UBE2E2: variants seen among roughly 807,000 people sequenced by gnomAD.
UBE2E2 encodes the protein ubiquitin conjugating enzyme E2 E2.
UBE2E2 carries 6 observed loss-of-function variants against 24.7 expected under a neutral mutation model. The observed-to-expected ratio is 0.24, with a 90% CI of 0.13 to 0.48. The LOEUF (loss-of-function observed/expected upper bound fraction) is 0.48, where lower values mean the gene tolerates loss of function less well. Ranked by LOEUF, UBE2E2 falls within the 20% of genes least tolerant of loss-of-function variation. UBE2E2 has a pLI of 0.99. For synonymous variants in UBE2E2, 104 were observed against 83.6 expected (o/e 1.24, Z -1.33); for missense variants, 169 against 245.0 (o/e 0.69, Z 2.07).
intron 3 of UBE2E2, among the ~76,000 whole-genome samples, chr3:23,394,777 G>C (rs919328528): frequency 4.6e-5 from 7 of 152,106 alleles, no homozygotes. Context: ...TTTTCATTTC[G>C]ATCCCCAAAA....
At chr3:23,311,232 C>T (rs1694381270) in intron 3 of UBE2E2, among the ~76,000 whole-genome samples, 1 of 152,162 alleles carries the variant, frequency 6.6e-6, no homozygotes, top group Non-Finnish European at 1.5e-5. Flanking sequence ...GTATATGTGC[C>T]ACATTTTCTT....
intron 3 of UBE2E2, among the ~76,000 whole-genome samples, chr3:23,492,356 ATCT>A (rs1699517536): frequency 6.6e-6 from 1 of 152,118 alleles, no homozygotes; most frequent in Non-Finnish European, 1.5e-5. Context: ...AAATCCCCTC[ATCT>A]TCTTCTCACT....
intron 3 of UBE2E2, among the ~76,000 whole-genome samples, chr3:23,252,894 A>G (rs1272278668): frequency 6.6e-6 from 1 of 152,214 alleles, no homozygotes; most frequent in East Asian, 1.9e-4. Context: ...AGTGTATTTT[A>G]CTTTCATATC....
At chr3:23,588,442 G>A (rs1696681251) in intron 5 of UBE2E2, among the ~76,000 whole-genome samples, 4 of 146,290 alleles carry the variant, frequency 2.7e-5, no homozygotes, top group Non-Finnish European at 6.0e-5. Context: ...TTTTAAAGAG[G>A]GTCTCACTCT....
At chr3:23,373,593 C>G (rs1007978079) in intron 3 of UBE2E2, among the ~76,000 whole-genome samples, 2 of 152,142 alleles carry the variant, frequency 1.3e-5, no homozygotes, top group African/African-American at 4.8e-5. Context: ...TTCCTGTTAG[C>G]TCAAACAGAT....
intron 5 of UBE2E2, among the ~76,000 whole-genome samples, chr3:23,578,026 A>AG: frequency 6.6e-6 from 1 of 151,852 alleles, no homozygotes; most frequent in South Asian, 2.1e-4. Context: ...AAAAAAAAAA[A>AG]GATTCTTTTC....
chr3:23,515,681 G>T (rs1195850427), intron 4 of UBE2E2, among the ~76,000 whole-genome samples: 1 of 152,080 alleles, frequency 6.6e-6, no homozygotes, highest in Non-Finnish European at 1.5e-5. Context: ...GAAGGGCAAG[G>T]TGCAGTGGCT....
rs538846906 is a variant in UBE2E2, at chr3:23,415,084, G to GA, written c.228-84522dup. ...AGTTCTCCTTCCATACAAGGTTGGG[G>GA]AACTTGTAAGATATTTCTGGGTGTC... is the stretch of plus-strand genomic sequence containing the variant. On this transcript the variant is annotated intron_variant, in intron 3 of 5. Transcript: ENST00000396703. Among the ~76,000 whole-genome samples, 76 of 152,288 alleles carry GA rather than the reference G, an allele frequency of 5.0e-4. No homozygotes were observed. The East Asian group carries it at 0.011, about 22-fold the overall frequency.
intron 3 of UBE2E2, among the ~76,000 whole-genome samples, chr3:23,456,890 G>C (rs564359360): frequency 5.9e-5 from 9 of 152,242 alleles, no homozygotes; most frequent in African/African-American, 2.2e-4. Flanking sequence ...TCTCTAGCTC[G>C]GAAAGTCCTA....
intron 3 of UBE2E2, among the ~76,000 whole-genome samples, chr3:23,475,029 C>G (rs1699097663): frequency 6.6e-6 from 1 of 152,100 alleles, no homozygotes; most frequent in Non-Finnish European, 1.5e-5. Flanking sequence ...TTTTCCTTCA[C>G]CACTCTGCAA....
intron 3 of UBE2E2, among the ~76,000 whole-genome samples, chr3:23,490,860 G>C (rs1699480677): frequency 6.6e-6 from 1 of 152,174 alleles, no homozygotes; most frequent in South Asian, 2.1e-4. Context: ...GATATTTGGT[G>C]AAAGATAGCC....
intron 5 of UBE2E2, among the ~76,000 whole-genome samples, chr3:23,562,105 G>A (rs1234599996): frequency 3.3e-5 from 5 of 152,188 alleles, no homozygotes; most frequent in Middle Eastern, 3.4e-3. Context: ...CCAACACTAT[G>A]TTGAATAGGA....
intron 3 of UBE2E2, among the ~76,000 whole-genome samples, chr3:23,319,997 AAT>A (rs1694701661): frequency 6.6e-6 from 1 of 151,976 alleles, no homozygotes. Flanking sequence ...GGACTTAGAG[AAT>A]AGTTTTCTTT....
chr3:23,297,765 TG>T (rs1438668308), intron 3 of UBE2E2, among the ~76,000 whole-genome samples: 2 of 152,190 alleles, frequency 1.3e-5, no homozygotes, highest in Non-Finnish European at 2.9e-5. Flanking sequence ...GACTTGGTGA[TG>T]GGGGCTCTTT....
At chr3:23,473,666 A>G (rs1047585842) in intron 3 of UBE2E2, among the ~76,000 whole-genome samples, 1 of 152,216 alleles carries the variant, frequency 6.6e-6, no homozygotes, top group Admixed American at 6.5e-5. Flanking sequence ...CTCTCACTTA[A>G]GAGTGAGAAC....
chr3:23,247,588 A>G (rs1697448498), intron 3 of UBE2E2, among the ~76,000 whole-genome samples: 1 of 152,154 alleles, frequency 6.6e-6, no homozygotes, highest in African/African-American at 2.4e-5. Flanking sequence ...TCTCAACCTC[A>G]GGTGATCTGT....
chr3:23,377,972 C>T (rs1361822168), intron 3 of UBE2E2, among the ~76,000 whole-genome samples: 1 of 151,914 alleles, frequency 6.6e-6, no homozygotes. Context: ...AGGTAATGTT[C>T]TTATGAGGGC....
intron 3 of UBE2E2, among the ~76,000 whole-genome samples, chr3:23,314,329 C>T (rs1260640294): frequency 6.6e-6 from 1 of 152,114 alleles, no homozygotes; most frequent in African/African-American, 2.4e-5. Context: ...GTGATTTCAT[C>T]ATGTTGTCCA....
At chr3:23,369,153 A>G (rs1228748524) in intron 3 of UBE2E2, among the ~76,000 whole-genome samples, 2 of 152,198 alleles carry the variant, frequency 1.3e-5, no homozygotes, top group Non-Finnish European at 2.9e-5. Context: ...GCCTTTGGTC[A>G]GAGATGCTGT....
Sources: allele counts gnomAD v4.1 joint callset (sites outside exome capture counted in the v4.1 genomes callset), GRCh38; gene constraint gnomAD v4.1.1; transcripts MANE v1.5; gene names NCBI Gene and HGNC (gene_info 2026-07-23, HGNC 2026-07-21).